The following DAB1 variants were observed in gnomAD, a reference collection of about 807,000 sequenced individuals.
The protein encoded by DAB1 is DAB adaptor protein 1.
In DAB1, 15 loss-of-function variants were observed where a neutral mutation model predicts 64.6. That is an observed-to-expected ratio of 0.23 (90% CI 0.16 to 0.36). DAB1 has a LOEUF of 0.36. Ranked by LOEUF, DAB1 falls within the 10% of genes least tolerant of loss-of-function variation. The probability of loss-of-function intolerance (pLI) is 1.00; values close to 1 mark genes in which losing one functional copy is unlikely to be tolerated. For missense variants in DAB1, 596 were observed against 706.7 expected, an observed-to-expected ratio of 0.84 and a Z score of 1.78; for synonymous variants, 235 against 251.9, an observed-to-expected ratio of 0.93 and a Z score of 0.64.
intron 7 of DAB1, among the ~76,000 whole-genome samples, chr1:57,563,004 C>T (rs1201328993): frequency 1.3e-5 from 2 of 152,126 alleles, no homozygotes; most frequent in African/African-American, 2.4e-5. Flanking sequence ...TATTACCATG[C>T]CCTGTGATTA....
chr1:58,267,186 C>T lies in DAB1; in HGVS notation n.309+76166G>A, dbSNP rs189895729. On this transcript the variant is annotated intron_variant and non_coding_transcript_variant, in intron 4 of 20. Transcript: ENST00000485760. The stretch of plus-strand genomic sequence containing the variant: ...AGTGAGCTGAGATCACGCCACTGCA[C>T]TCCAGCCTGGGCGGCAGAGCTAGAC... Among the ~76,000 whole-genome samples, 67 of 152,162 alleles carry T rather than the reference C, an allele frequency of 4.4e-4. 2 individuals are homozygous for T. In the East Asian group the frequency reaches 0.012, roughly 28 times the overall value.
intron 6 of DAB1, among the ~76,000 whole-genome samples, chr1:57,673,567 C>T (rs1646532142): frequency 6.6e-6 from 1 of 151,946 alleles, no homozygotes; most frequent in South Asian, 2.1e-4. Flanking sequence ...TGAATGCAGG[C>T]TGATTATACA....
At chr1:57,259,197 C>A (rs1322741860) in intron 2 of DAB1, among the ~76,000 whole-genome samples, 1 of 152,152 alleles carries the variant, frequency 6.6e-6, no homozygotes, top group African/African-American at 2.4e-5. Context: ...CACTGTCTGA[C>A]CTCTTTGGGT....
intron 3 of DAB1, among the ~76,000 whole-genome samples, chr1:58,465,616 A>G (rs927697433): frequency 1.3e-5 from 2 of 152,192 alleles, no homozygotes; most frequent in African/African-American, 4.8e-5. Context: ...TTTGGCACAC[A>G]GCAGCGGTGG....
intron 1 of DAB1, among the ~76,000 whole-genome samples, chr1:58,537,440 A>G (rs6698355): frequency 0.12 from 17,677 of 152,188 alleles, 1,222 homozygotes; most frequent in African/African-American, 0.18. Context: ...CCTCTTTACA[A>G]CGTGAAAAAG....
intron 3 of DAB1, among the ~76,000 whole-genome samples, chr1:58,475,477 A>AACACACACACACAC (rs112408529): frequency 1.4e-5 from 2 of 148,134 alleles, no homozygotes; most frequent in African/African-American, 5.0e-5. Context: ...AGGTTAATTA[A>AACACACACACACAC]ACACACACAC....
chr1:57,292,881 C>T (rs1328003177), intron 1 of DAB1, among the ~76,000 whole-genome samples: 1 of 151,916 alleles, frequency 6.6e-6, no homozygotes, highest in Non-Finnish European at 1.5e-5. Context: ...CACACTGGGG[C>T]GGAAAGATGC....
chr1:58,309,907 A>G (rs1024862779), intron 4 of DAB1, among the ~76,000 whole-genome samples: 4 of 152,174 alleles, frequency 2.6e-5, no homozygotes, highest in African/African-American at 9.7e-5. Flanking sequence ...GACTAATAAA[A>G]TAAGCAAGTT....
chr1:57,094,125 AGG>A lies in DAB1; in HGVS notation c.307-21713_307-21712del, dbSNP rs1557707802. On this transcript the variant is annotated intron_variant, in intron 4 of 14. Coordinates refer to ENST00000371236, the MANE Select transcript of DAB1 (RefSeq NM_001365792.1). ...CTCTGCCTCAAAAAAAAAAAAAAAA[AGG>A]AATCTTGGAGTTGACATCTTCAAAA... 1.7e-4 allele frequency among the ~76,000 whole-genome samples: 26 copies of A among 150,122 alleles called. 4 individuals are homozygous for A. The highest frequency in any genetic ancestry group is 4.2e-4 in the South Asian group (2 of 4,752).
chr1:57,938,038 T>C (rs1011202506), intron 5 of DAB1, among the ~76,000 whole-genome samples: 10 of 152,244 alleles, frequency 6.6e-5, no homozygotes, highest in Non-Finnish European at 1.3e-4. Flanking sequence ...GAGAACATTC[T>C]GGGCCTCTAG....
At chr1:58,153,808 G>C (rs1322482018) in intron 4 of DAB1, among the ~76,000 whole-genome samples, 3 of 149,438 alleles carry the variant, frequency 2.0e-5, no homozygotes, top group African/African-American at 7.4e-5. Flanking sequence ...TGTCATGTTT[G>C]ACAGCACACA....
At chr1:57,430,279 T>C (rs186214994) in intron 7 of DAB1, among the ~76,000 whole-genome samples, 1 of 152,320 alleles carries the variant, frequency 6.6e-6, no homozygotes, top group Admixed American at 6.5e-5. Context: ...AAACACAAAT[T>C]ATTACACAGC....
At chr1:57,221,414 C>T (rs1355353461) in intron 2 of DAB1, among the ~76,000 whole-genome samples, 2 of 150,022 alleles carry the variant, frequency 1.3e-5, no homozygotes, top group Non-Finnish European at 3.0e-5. Flanking sequence ...TTAAAAAAGG[C>T]TAACACGGTA....
chr1:58,420,789 G>A (rs1202062680), intron 3 of DAB1, among the ~76,000 whole-genome samples: 2 of 152,038 alleles, frequency 1.3e-5, no homozygotes. Context: ...CCTCTACCTT[G>A]GACTTTGACC....
intron 9 of DAB1, among the ~76,000 whole-genome samples, chr1:57,057,463 G>A (rs1224338843): frequency 2.0e-5 from 3 of 152,180 alleles, no homozygotes; most frequent in Non-Finnish European, 2.9e-5. Flanking sequence ...GGCAAGGGAT[G>A]TAACTGATAC....
chr1:57,004,936 G>A (rs779584363), intron 14 of DAB1, among the ~76,000 whole-genome samples: 5 of 152,114 alleles, frequency 3.3e-5, no homozygotes, highest in African/African-American at 7.2e-5. Context: ...AAGTGAGCTC[G>A]TATAACATGA....
rs143110934 is a variant in DAB1, at chr1:57,653,117, C to T, written n.552-3452G>A. ...ACAAAAACTTATGTACTGATACCAG[C>T]TTGGTCAGATATTATCATTCTGTCA... On this transcript the variant is annotated intron_variant and non_coding_transcript_variant, in intron 6 of 20. Coordinates refer to the DAB1 transcript ENST00000485760. Among the ~76,000 whole-genome samples the T allele has an allele frequency of 7.7e-3, 1,180 of 152,268 alleles. 18 individuals are homozygous for T. Among genetic ancestry groups the T allele is most frequent in the African/African-American group, 0.027 (1,134 of 41,554 alleles).
At chr1:57,025,636 A>G (rs1646760428) in intron 10 of DAB1, among the ~76,000 whole-genome samples, 1 of 152,186 alleles carries the variant, frequency 6.6e-6, no homozygotes, top group African/African-American at 2.4e-5. Flanking sequence ...TACAATCCCA[A>G]CCAGACGATG....
In DAB1 at chr1:58,062,927, C is replaced by G. The variant is rs375007977; in HGVS notation, n.387+87584G>C. On this transcript the variant is annotated intron_variant and non_coding_transcript_variant, in intron 5 of 20. Coordinates refer to the DAB1 transcript ENST00000485760. ...ATAGAGCTGAAAAGTCAGAGAAGGCCAGAGCCAAACTCAGCATATGAACTA... is the reference window on the plus strand; with the variant it reads ...ATAGAGCTGAAAAGTCAGAGAAGGCGAGAGCCAAACTCAGCATATGAACTA... Among the ~76,000 whole-genome samples the G allele has an allele frequency of 2.6e-3, 403 of 152,296 alleles. 20 individuals are homozygous for G. The South Asian group carries it at 0.08, about 30-fold the overall frequency.
Sources: gnomAD v4.1 joint callset for allele counts (sites outside exome capture counted in the v4.1 genomes callset) on GRCh38, gnomAD v4.1.1 for gene constraint, MANE v1.5 for transcripts, NCBI Gene and HGNC (gene_info 2026-07-23, HGNC 2026-07-21) for gene names.